The following ATP10D variants were observed in gnomAD, a reference collection of about 807,000 sequenced individuals.
The protein encoded by ATP10D is phospholipid-transporting ATPase VD.
A neutral mutation model predicts 144.8 loss-of-function variants in ATP10D; 89 were observed. That is an observed-to-expected ratio of 0.61 (90% CI 0.52 to 0.73). The LOEUF is 0.73. Among genes scored for constraint, ATP10D ranks in the 30% least tolerant of loss-of-function variants. The pLI, the probability that ATP10D is intolerant of heterozygous loss-of-function variation, is 0.00. For synonymous variants in ATP10D, 571 were observed against 615.1 expected (o/e 0.93, Z 1.06); for missense variants, 1,603 against 1,714.8 (o/e 0.93, Z 1.15).
intron 7 of ATP10D, 21 bp downstream of exon 7, chr4:47,536,054 T>A: frequency 6.3e-7 from 1 of 1,594,370 alleles, no homozygotes; most frequent in Non-Finnish European, 8.5e-7. Flanking sequence ...TTTGATTATT[T>A]GCTGACATCT....
chr4:47,485,524 G>C lies in ATP10D; in HGVS notation c.-38+5G>C, dbSNP rs1481668449. 6.6e-6 allele frequency: 1 copy of C among 152,070 alleles called. No homozygotes were observed. Among genetic ancestry groups the C allele is most frequent in the Non-Finnish European group, 1.5e-5 (1 of 68,044 alleles). 9.4% of individuals were successfully genotyped at this position (152,070 alleles called of 1,614,324 possible). A position where few individuals can be genotyped will look rare whatever the true frequency, so the allele number is the denominator to read the frequency against. ...TGTGTGCCGAGGGAGGAATTGGTAA[G>C]AGTGAGACGGCGAATCCCTCTGACT... On this transcript the variant is annotated splice_donor_5th_base_variant and intron_variant, in intron 1 of 22. Coordinates refer to ENST00000273859, the MANE Select transcript of ATP10D (RefSeq NM_020453.4).
intron 1 of ATP10D, among the ~76,000 whole-genome samples, chr4:47,498,977 C>G (rs1163779179): frequency 6.6e-6 from 1 of 152,158 alleles, no homozygotes; most frequent in South Asian, 2.1e-4. Context: ...TGTTCTTCTG[C>G]CAGTTCAAAT....
At chr4:47,549,248 A>G (rs1440210467) in intron 10 of ATP10D, among the ~76,000 whole-genome samples, 2 of 152,246 alleles carry the variant, frequency 1.3e-5, no homozygotes, top group Non-Finnish European at 2.9e-5. Flanking sequence ...AGATCTTTGT[A>G]TAGCTGTCTC....
Position 47,587,176 on chromosome 4 carries a change from T to A in ATP10D, c.3911T>A (p.Ile1304Asn). The change falls in exon 22 of 23, where the codon ATC (isoleucine) becomes AAC (asparagine). Residue 1304 changes from isoleucine to asparagine, a missense_variant. By Grantham distance (149) the Ile-to-Asn change is moderately radical. Transcript: ENST00000273859. ...MLDPVFYLVC[I>N]LTTSIALLPR... ...GATCCAGTATTCTACTTAGTTTGTA[T>A]CCTCACGACGTCCATTGCTCTTCTG... 6.2e-7 allele frequency: 1 copy of A among 1,613,900 alleles called. No homozygotes were observed. The highest frequency in any genetic ancestry group is 1.1e-5 in the South Asian group (1 of 91,028).
At chr4:47,501,448 C>T (rs1715675600) in intron 1 of ATP10D, among the ~76,000 whole-genome samples, 1 of 152,124 alleles carries the variant, frequency 6.6e-6, no homozygotes, top group African/African-American at 2.4e-5. Context: ...TCAAATGAAG[C>T]ATGCCTTTAG....
At chr4:47,523,588 A>G (rs548912929) in intron 4 of ATP10D, among the ~76,000 whole-genome samples, 3 of 152,354 alleles carry the variant, frequency 2.0e-5, no homozygotes, top group Admixed American at 6.5e-5. Flanking sequence ...CATGCTACAT[A>G]GCTTTTAGAC....
At chr4:47,506,683 A>T (rs1716036255) in intron 1 of ATP10D, among the ~76,000 whole-genome samples, 1 of 152,186 alleles carries the variant, frequency 6.6e-6, no homozygotes, top group African/African-American at 2.4e-5. Flanking sequence ...CTAGATCTAA[A>T]ACATTCTTTC....
intron 11 of ATP10D, 83 bp downstream of exon 11, chr4:47,554,997 T>C: frequency 8.7e-7 from 1 of 1,155,692 alleles, no homozygotes; most frequent in South Asian, 1.4e-5. Context: ...GAGCTTGATA[T>C]ATGGATAAAA....
At chr4:47,506,391 T>C (rs1214384009) in intron 1 of ATP10D, among the ~76,000 whole-genome samples, 1 of 152,180 alleles carries the variant, frequency 6.6e-6, no homozygotes, top group Non-Finnish European at 1.5e-5. Context: ...CAATGCTTGA[T>C]TTATGTTTCT....
intron 1 of ATP10D, among the ~76,000 whole-genome samples, chr4:47,497,325 TG>T (rs1460487724): frequency 6.6e-6 from 1 of 151,952 alleles, no homozygotes; most frequent in Non-Finnish European, 1.5e-5. Flanking sequence ...CGTGGTGGCA[TG>T]TGCCTGTAAT....
chr4:47,558,913 A>G lies in ATP10D; in HGVS notation c.2435-10A>G. 1.2e-6 allele frequency: 2 copies of G among 1,606,302 alleles called. No homozygotes were observed. Among genetic ancestry groups the G allele is most frequent in the Non-Finnish European group, 1.7e-6 (2 of 1,174,802 alleles). On this transcript the variant is annotated splice_polypyrimidine_tract_variant and intron_variant, in intron 12 of 22. Transcript: ENST00000273859. Reference sequence around the variant, plus strand: ...TGGTAGGAACTCAAGCATCTTGTCCATTATTTCAGATGGAGCAAGTCTGGA... The same window carrying G: ...TGGTAGGAACTCAAGCATCTTGTCCGTTATTTCAGATGGAGCAAGTCTGGA...
chr4:47,543,637 G>T (rs115477950), intron 9 of ATP10D, among the ~76,000 whole-genome samples: 2,404 of 152,246 alleles, frequency 0.016, 46 homozygotes, highest in African/African-American at 0.054. Context: ...CTATAATATA[G>T]TGGGTAGTGT....
chr4:47,582,267 G>C (rs1720557443), intron 21 of ATP10D, among the ~76,000 whole-genome samples: 1 of 152,162 alleles, frequency 6.6e-6, no homozygotes, highest in South Asian at 2.1e-4. Context: ...GAAAACACCT[G>C]CCTTGCTCCC....
intron 11 of ATP10D, 39 bp from the exon 12 acceptor site, chr4:47,557,625 T>A: frequency 6.6e-7 from 1 of 1,506,088 alleles, no homozygotes; most frequent in Non-Finnish European, 8.9e-7. Flanking sequence ...AGAAACTGCT[T>A]TTGACTGTAT....
intron 1 of ATP10D, among the ~76,000 whole-genome samples, chr4:47,490,462 G>C (rs1306620828): frequency 1.3e-5 from 2 of 152,218 alleles, no homozygotes; most frequent in Non-Finnish European, 2.9e-5. Context: ...TTGAGTCCCA[G>C]ACTGGCTTTC....
chr4:47,542,293 C>T lies in ATP10D; in HGVS notation c.1397-4331C>T, dbSNP rs536301911. ...TGTATTTTTTGTAGAGGCAGGATTT[C>T]GCCATGTTTCCCAGGCTGGTCTCGA... On this transcript the variant is annotated intron_variant, in intron 9 of 22. Coordinates refer to ENST00000273859, the MANE Select transcript of ATP10D (RefSeq NM_020453.4). Among the ~76,000 whole-genome samples the T allele has an allele frequency of 7.2e-5, 11 of 152,088 alleles. No individual in the cohort carries two copies. In the South Asian group the frequency reaches 1.0e-3, roughly 14 times the overall value.
At chr4:47,517,374 C>G (rs2109404842) in intron 3 of ATP10D, among the ~76,000 whole-genome samples, 1 of 150,810 alleles carries the variant, frequency 6.6e-6, no homozygotes. Flanking sequence ...CAACATTTGG[C>G]CACTACACTC....
chr4:47,502,698 A>T (rs1256607740), intron 1 of ATP10D, among the ~76,000 whole-genome samples: 1 of 148,836 alleles, frequency 6.7e-6, no homozygotes, highest in Non-Finnish European at 1.5e-5. Context: ...ACATATATGT[A>T]TGTGATATTA....
chr4:47,572,792 G>A (rs1720029875), intron 17 of ATP10D, 80 bp from the exon 18 acceptor site: 20 of 1,575,866 alleles, frequency 1.3e-5, no homozygotes. Flanking sequence ...TGAGGCCTAG[G>A]GTTTCCCAAG....
Sources: allele counts gnomAD v4.1 joint callset (sites outside exome capture counted in the v4.1 genomes callset), GRCh38; gene constraint gnomAD v4.1.1; transcripts MANE v1.5; gene names NCBI Gene and HGNC (gene_info 2026-07-23, HGNC 2026-07-21).